PCDHGA4: variants seen among roughly 807,000 people sequenced by gnomAD.
PCDHGA4 encodes the protein protocadherin gamma-A4.
PCDHGA4 carries 38 observed loss-of-function variants against 54.6 expected under a neutral mutation model. The observed-to-expected ratio is 0.70, with a 90% CI of 0.54 to 0.91. The LOEUF (loss-of-function observed/expected upper bound fraction) is 0.91. Ranked by LOEUF, PCDHGA4 falls within the 40% of genes least tolerant of loss-of-function variation. PCDHGA4 has a pLI of 0.00. For synonymous variants in PCDHGA4, 511 were observed against 512.9 expected (o/e 1.00, Z 0.05); for missense variants, 1,298 against 1,220.9 (o/e 1.06, Z -0.94).
chr5:141,362,840 T>C (rs1762699697), intron 1 of PCDHGA4, among the ~76,000 whole-genome samples: 1 of 152,282 alleles, frequency 6.6e-6, no homozygotes, highest in East Asian at 1.9e-4. Flanking sequence ...ATTGAGACTT[T>C]AGGCAATTAG....
chr5:141,460,950 T>C (rs1458616371), intron 1 of PCDHGA4, among the ~76,000 whole-genome samples: 1 of 135,948 alleles, frequency 7.4e-6, no homozygotes, highest in East Asian at 2.0e-4. Flanking sequence ...ATATGTATTA[T>C]GTATATATAT....
intron 1 of PCDHGA4, chr5:141,372,387 G>T (rs771030632): frequency 3.7e-6 from 6 of 1,613,898 alleles, no homozygotes; most frequent in Non-Finnish European, 5.1e-6. Flanking sequence ...CCTAATCTTC[G>T]CAGATAGCTT....
chr5:141,398,882 G>A, intron 1 of PCDHGA4: 1 of 1,613,930 alleles, frequency 6.2e-7, no homozygotes, highest in Non-Finnish European at 8.5e-7. Context: ...GTCAGCCTTC[G>A]GGAAAACGTG....
At chr5:141,470,252 C>T (rs1010559144) in intron 1 of PCDHGA4, among the ~76,000 whole-genome samples, 3 of 152,160 alleles carry the variant, frequency 2.0e-5, no homozygotes, top group Admixed American at 1.3e-4. Context: ...TCCCACCTGT[C>T]TAAATGGAGA....
rs1760394420 is a variant in PCDHGA4 at position 141,356,928 on chromosome 5, G to C, written c.1821G>C (p.Glu607Asp). The stretch of plus-strand genomic sequence containing the variant: ...CTACTGATGGCTCCACTGGTGTGGA[G>C]CTGGCACCCCGCTCCGCAGATTCCG... ...TFPTDGSTGV[E>D]LAPRSADSGY... The change falls in exon 1 of 4, where the codon GAG becomes GAC. Residue 607 changes from glutamate to aspartate, a missense_variant. By Grantham distance (45) the Glu-to-Asp change is conservative. Transcript: ENST00000571252. The C allele has an allele frequency of 1.2e-6, 2 of 1,614,088 alleles. No individual in the cohort carries two copies. The highest frequency in any genetic ancestry group is 4.5e-5 in the East Asian group (2 of 44,884).
chr5:141,389,999 G>C (rs777892783), intron 1 of PCDHGA4: 4 of 1,614,018 alleles, frequency 2.5e-6, no homozygotes, highest in Non-Finnish European at 3.4e-6. Context: ...TCGTGGCCAT[G>C]ATTCTGGCCA....
chr5:141,403,109 G>A (rs754708762), intron 1 of PCDHGA4: 3 of 1,614,074 alleles, frequency 1.9e-6, no homozygotes. Context: ...CAAGGACCTG[G>A]CTCTGGAGCC....
At chr5:141,497,354 A>G (rs1430368474) in intron 2 of PCDHGA4, among the ~76,000 whole-genome samples, 1 of 152,054 alleles carries the variant, frequency 6.6e-6, no homozygotes, top group Non-Finnish European at 1.5e-5. Flanking sequence ...AGCCCCACCA[A>G]CTGCCTCTCA....
chr5:141,368,303 C>A lies in PCDHGA4; in HGVS notation c.2514+10682C>A, dbSNP rs981191656. ...CCACTTGATTTTTATTTTTTAAACA[C>A]TGTTAAAGAGCATTCAAGTATATCT... On this transcript the variant is annotated intron_variant, in intron 1 of 3. Transcript: ENST00000571252. Among the ~76,000 whole-genome samples, 12 of 152,184 alleles carry A rather than the reference C, an allele frequency of 7.9e-5. No homozygotes were observed. In the East Asian group the frequency reaches 2.3e-3, roughly 29 times the overall value.
At chr5:141,454,970 G>A (rs2098808431) in intron 1 of PCDHGA4, among the ~76,000 whole-genome samples, 2 of 151,444 alleles carry the variant, frequency 1.3e-5, no homozygotes, top group African/African-American at 4.9e-5. Context: ...ACCACGCCTG[G>A]CTAATTTTTT....
At chr5:141,504,528 C>T (rs750099460) in intron 2 of PCDHGA4, among the ~76,000 whole-genome samples, 2 of 151,854 alleles carry the variant, frequency 1.3e-5, no homozygotes, top group Non-Finnish European at 2.9e-5. Flanking sequence ...ATATTTTATT[C>T]GTGTCATCAT....
At chr5:141,404,782 G>A in intron 1 of PCDHGA4, 1 of 1,613,964 alleles carries the variant, frequency 6.2e-7, no homozygotes. Context: ...GCCTATTCAA[G>A]GCCAGTGAGC....
chr5:141,356,006 C>T lies in PCDHGA4; in HGVS notation c.899C>T (p.Pro300Leu), dbSNP rs764436423. ...CTACTCACCGTAAAAGCCACTGATCCAGATGAAGGAGCCAATGGAGACGTG... is the reference window on the plus strand; with the variant it reads ...CTACTCACCGTAAAAGCCACTGATCTAGATGAAGGAGCCAATGGAGACGTG... Reference protein sequence around the residue: ...TRLLTVKATDPDEGANGDVTY... With the variant: ...TRLLTVKATDLDEGANGDVTY... The change falls in exon 1 of 4, where the codon CCA (proline) becomes CTA (leucine). Residue 300 changes from proline (P) to leucine (L), a missense_variant. Transcript: ENST00000571252. The T allele has an allele frequency of 4.3e-6, 7 of 1,613,876 alleles. No homozygotes were observed. The Admixed American group carries it at 1.2e-4, about 27-fold the overall frequency.
rs754610588 is a variant in PCDHGA4, at chr5:141,384,105, T to C, written c.2514+26484T>C. 31 of 1,601,620 alleles carry C rather than the reference T, an allele frequency of 1.9e-5. No individual in the cohort carries two copies. The East Asian group carries it at 2.5e-4, about 13-fold the overall frequency. ...TAGAAAAATCAATAGATAATTATTA[T>C]AGATTGGTCACAACCAAAAACTTGG... On this transcript the variant is annotated intron_variant, in intron 1 of 3. Transcript: ENST00000571252.
At chr5:141,387,300 T>C (rs1171181488) in intron 1 of PCDHGA4, among the ~76,000 whole-genome samples, 1 of 152,224 alleles carries the variant, frequency 6.6e-6, no homozygotes, top group Non-Finnish European at 1.5e-5. Context: ...ATGTATCCAG[T>C]ATATTTCTAA....
intron 1 of PCDHGA4, among the ~76,000 whole-genome samples, chr5:141,401,300 C>A (rs1169689828): frequency 1.3e-5 from 2 of 152,200 alleles, no homozygotes; most frequent in African/African-American, 4.8e-5. Context: ...CGAGATCACT[C>A]CATTGCATTC....
At chr5:141,507,178 G>A (rs548016031) in intron 3 of PCDHGA4, 4 of 152,350 alleles carry the variant, frequency 2.6e-5, no homozygotes, top group East Asian at 3.9e-4. Flanking sequence ...CCTCTTCCTC[G>A]AGCTCTGCTT....
At chr5:141,426,767 A>G (rs1219028777) in intron 1 of PCDHGA4, 1 of 456,548 alleles carries the variant, frequency 2.2e-6, no homozygotes, top group Admixed American at 2.3e-5. Flanking sequence ...ATGCAGATGT[A>G]GGGCCTCACT....
At chr5:141,366,611 G>A (rs1479573730) in intron 1 of PCDHGA4, 2 of 1,614,240 alleles carry the variant, frequency 1.2e-6, no homozygotes, top group Admixed American at 1.7e-5. Context: ...CTCCCTCACC[G>A]CGGACTCGAG....
Sources: allele counts gnomAD v4.1 joint callset (sites outside exome capture counted in the v4.1 genomes callset), GRCh38; gene constraint gnomAD v4.1.1; transcripts MANE v1.5; gene names NCBI Gene and HGNC (gene_info 2026-07-23, HGNC 2026-07-21).